CNIH3: variants seen among roughly 807,000 people sequenced by gnomAD.
CNIH3 encodes cornichon family AMPA receptor auxiliary protein 3.
A neutral mutation model predicts 24.1 loss-of-function variants in CNIH3; 14 were observed. The ratio of observed to expected loss-of-function variants is 0.58; its 90% CI spans 0.38 to 0.91. The LOEUF (loss-of-function observed/expected upper bound fraction) is 0.91. Ranked by LOEUF, CNIH3 falls within the 40% of genes least tolerant of loss-of-function variation. CNIH3 has a pLI of 0.00. For synonymous variants in CNIH3, 68 were observed against 73.8 expected (o/e 0.92, Z 0.40); for missense variants, 178 against 196.8 (o/e 0.90, Z 0.57).
At chr1:224,506,639 T>C (rs1366114056) in intron 1 of CNIH3, among the ~76,000 whole-genome samples, 1 of 152,166 alleles carries the variant, frequency 6.6e-6, no homozygotes, top group Non-Finnish European at 1.5e-5. Flanking sequence ...GGTAACAATG[T>C]GAGATCAGAA....
intron 1 of CNIH3, among the ~76,000 whole-genome samples, chr1:224,628,221 T>C (rs1235119293): frequency 6.6e-6 from 1 of 152,178 alleles, no homozygotes; most frequent in Non-Finnish European, 1.5e-5. Context: ...CACCCTACCC[T>C]GCAGTTTCTA....
Position 224,471,193 on chromosome 1 carries a change from C to T in CNIH3, n.203+36331C>T, listed in dbSNP as rs545007901. Among the ~76,000 whole-genome samples the T allele has an allele frequency of 4.6e-5, 7 of 152,240 alleles. No individual in the cohort carries two copies. In the South Asian group the frequency reaches 1.2e-3, roughly 27 times the overall value. On this transcript the variant is annotated intron_variant and non_coding_transcript_variant, in intron 1 of 5. Transcript: ENST00000471578. Reference sequence around the variant, plus strand: ...AGCTGGGACTATAGGCATACGCCACCACATCCAGCTCATGTTTTATATTTT... The same window carrying T: ...AGCTGGGACTATAGGCATACGCCACTACATCCAGCTCATGTTTTATATTTT...
chr1:224,562,552 C>T (rs1485503156), intron 3 of CNIH3, among the ~76,000 whole-genome samples: 1 of 152,002 alleles, frequency 6.6e-6, no homozygotes, highest in African/African-American at 2.4e-5. Context: ...TATTTGTCCC[C>T]CCAAATCTCA....
chr1:224,457,449 T>C (rs1675722953), intron 1 of CNIH3, among the ~76,000 whole-genome samples: 1 of 152,038 alleles, frequency 6.6e-6, no homozygotes, highest in South Asian at 2.1e-4. Flanking sequence ...TTAACAGTGC[T>C]TTCACAGAGC....
upstream of CNIH3, among the ~76,000 whole-genome samples, chr1:224,514,461 A>G (rs1678298111): frequency 6.6e-6 from 1 of 152,214 alleles, no homozygotes; most frequent in Non-Finnish European, 1.5e-5. Context: ...TAAAACTTAC[A>G]TAAGTTGATT....
At chr1:224,690,584 A>G (rs1686882569) in intron 3 of CNIH3, among the ~76,000 whole-genome samples, 2 of 152,218 alleles carry the variant, frequency 1.3e-5, no homozygotes, top group African/African-American at 2.4e-5. Flanking sequence ...ATTTAGTTGC[A>G]TAGTTTGGGA....
At chr1:224,708,107 A>C (rs1687922034) in intron 3 of CNIH3, among the ~76,000 whole-genome samples, 1 of 152,056 alleles carries the variant, frequency 6.6e-6, no homozygotes, top group South Asian at 2.1e-4. Flanking sequence ...CAATCCTGCC[A>C]TCCCTCAACC....
intron 1 of CNIH3, among the ~76,000 whole-genome samples, chr1:224,457,269 CTCTCTCTGTGTGTGTGTGTGTGTG>C (rs1207571878): frequency 1.9e-4 from 20 of 104,694 alleles, no homozygotes; most frequent in South Asian, 1.3e-3. Context: ...GCCCTCCTCT[CTCTCTCTGTGTGTGTGTGTGTGTG>C]TGTGTGTGTG....
chr1:224,599,605 T>C (rs1235460836), intron 3 of CNIH3, among the ~76,000 whole-genome samples: 9 of 151,906 alleles, frequency 5.9e-5, no homozygotes, highest in Admixed American at 5.9e-4. Context: ...TTTTGCATAA[T>C]TTATTAGATA....
chr1:224,585,820 C>T (rs1473958940), intron 5 of CNIH3, among the ~76,000 whole-genome samples: 1 of 152,104 alleles, frequency 6.6e-6, no homozygotes, highest in Non-Finnish European at 1.5e-5. Context: ...AGTTCCTGCA[C>T]ATACACATGA....
At chr1:224,655,755 A>G (rs917953628) in intron 1 of CNIH3, among the ~76,000 whole-genome samples, 2 of 152,232 alleles carry the variant, frequency 1.3e-5, no homozygotes, top group African/African-American at 4.8e-5. Flanking sequence ...TTAGGGTGAC[A>G]TCAGTCAGAA....
chr1:224,439,796 T>C (rs1231788627), intron 1 of CNIH3, among the ~76,000 whole-genome samples: 6 of 149,910 alleles, frequency 4.0e-5, no homozygotes, highest in Non-Finnish European at 8.9e-5. Context: ...TTTTGTTTTG[T>C]TTTGTTTTTT....
intron 1 of CNIH3, among the ~76,000 whole-genome samples, chr1:224,637,037 C>A (rs551049410): frequency 6.6e-6 from 1 of 151,520 alleles, no homozygotes; most frequent in Non-Finnish European, 1.5e-5. Flanking sequence ...CTGCAACCTC[C>A]GCCTCCCGGG....
chr1:224,643,706 G>T, intron 1 of CNIH3, among the ~76,000 whole-genome samples: 1 of 152,216 alleles, frequency 6.6e-6, no homozygotes, highest in South Asian at 2.1e-4. Context: ...GAAAAAAAGT[G>T]GGGAACAGGG....
intron 3 of CNIH3, among the ~76,000 whole-genome samples, chr1:224,701,188 G>T (rs867232392): frequency 6.6e-6 from 1 of 151,604 alleles, no homozygotes; most frequent in Non-Finnish European, 1.5e-5. Context: ...TGGAAGGGGG[G>T]CTCGGGTTCT....
chr1:224,610,376 C>T (rs572700456), intron 3 of CNIH3, among the ~76,000 whole-genome samples: 143 of 152,300 alleles, frequency 9.4e-4, no homozygotes, highest in African/African-American at 3.3e-3. Flanking sequence ...GACTGGATCA[C>T]GGGGGTGGTT....
chr1:224,506,733 G>A (rs1234546678), intron 1 of CNIH3, among the ~76,000 whole-genome samples: 1 of 152,134 alleles, frequency 6.6e-6, no homozygotes, highest in Admixed American at 6.6e-5. Context: ...CTCCATACTA[G>A]AACTTCACAT....
At chr1:224,475,072 A>C (rs1290972377) in intron 1 of CNIH3, among the ~76,000 whole-genome samples, 2 of 149,154 alleles carry the variant, frequency 1.3e-5, no homozygotes, top group African/African-American at 5.0e-5. Context: ...AAAAAAGAAA[A>C]TCAGAGGCTG....
At chr1:224,510,829 C>G (rs1678121656) in intron 1 of CNIH3, among the ~76,000 whole-genome samples, 1 of 152,094 alleles carries the variant, frequency 6.6e-6, no homozygotes, top group Admixed American at 6.6e-5. Flanking sequence ...ACCAGGCCTC[C>G]CTGGCACTGA....
Sources: gnomAD v4.1 joint callset for allele counts (sites outside exome capture counted in the v4.1 genomes callset) on GRCh38, gnomAD v4.1.1 for gene constraint, MANE v1.5 for transcripts, NCBI Gene and HGNC (gene_info 2026-07-23, HGNC 2026-07-21) for gene names.